Variants in ROBO1 observed in about 807,000 individuals in gnomAD.
ROBO1 encodes the protein roundabout homolog 1.
Under a neutral mutation model 195.9 loss-of-function variants are expected in ROBO1, and 149 were observed. That is an observed-to-expected ratio of 0.76 (90% CI 0.67 to 0.87). The LOEUF (loss-of-function observed/expected upper bound fraction) is 0.87, where lower values mean the gene tolerates loss of function less well. Among genes scored for constraint, ROBO1 ranks in the 40% least tolerant of loss-of-function variants. The pLI, the probability that ROBO1 is intolerant of heterozygous loss-of-function variation, is 0.00. For synonymous variants in ROBO1, 816 were observed against 733.2 expected (o/e 1.11, Z -1.82); for missense variants, 1,933 against 2,068.3 (o/e 0.93, Z 1.27).
intron 2 of ROBO1, among the ~76,000 whole-genome samples, chr3:79,496,653 C>T (rs1407912716): frequency 6.6e-6 from 1 of 151,126 alleles, no homozygotes; most frequent in Non-Finnish European, 1.5e-5. Flanking sequence ...TCCCAAAGTG[C>T]TGGGATTACA....
intron 2 of ROBO1, among the ~76,000 whole-genome samples, chr3:79,267,807 C>T (rs2030125019): frequency 6.6e-6 from 1 of 151,456 alleles, no homozygotes; most frequent in South Asian, 2.1e-4. Flanking sequence ...CATCATCTTT[C>T]TACAACTGCT....
At chr3:79,217,426 G>C (rs557254596) in intron 2 of ROBO1, among the ~76,000 whole-genome samples, 1 of 151,824 alleles carries the variant, frequency 6.6e-6, no homozygotes, top group East Asian at 1.9e-4. Flanking sequence ...ACATTTTAAC[G>C]TATTTTTTTC....
intron 10 of ROBO1, among the ~76,000 whole-genome samples, chr3:78,680,075 A>C (rs1367789010): frequency 6.6e-6 from 1 of 152,200 alleles, no homozygotes; most frequent in Non-Finnish European, 1.5e-5. Context: ...AAAACAAGCA[A>C]TGGGGAAAGG....
At chr3:79,645,434 C>T (rs565431902) in intron 1 of ROBO1, among the ~76,000 whole-genome samples, 7 of 151,984 alleles carry the variant, frequency 4.6e-5, no homozygotes, top group Middle Eastern at 3.4e-3. Flanking sequence ...CCCAGGAGTT[C>T]GAGGCTGCAG....
chr3:79,767,793 T>C lies in ROBO1; in HGVS notation c.-92A>G, dbSNP rs1020507215. The C allele has an allele frequency of 6.6e-6, 1 of 152,210 alleles. No individual in the cohort carries two copies. The highest frequency in any genetic ancestry group is 3.2e-3 in the Middle Eastern group (1 of 316). 9.4% of individuals were successfully genotyped at this position (152,210 alleles called of 1,614,324 possible). A position where few individuals can be genotyped will look rare whatever the true frequency, so the allele number is the denominator to read the frequency against. ...TTTCAGCAATCTAGAGGCTCCGTAG[T>C]GCAGACGCAGCCCTGCAACTTTGCT... is the stretch of plus-strand genomic sequence containing the variant. On this transcript the variant is annotated 5_prime_UTR_variant, in exon 1 of 31. Coordinates refer to ENST00000464233, the MANE Select transcript of ROBO1 (RefSeq NM_002941.4).
intron 1 of ROBO1, among the ~76,000 whole-genome samples, chr3:79,667,378 AT>A (rs1258393751): frequency 2.6e-5 from 4 of 151,754 alleles, no homozygotes; most frequent in Non-Finnish European, 5.9e-5. Context: ...TGGTAAAGTA[AT>A]TGTTCTTTGT....
chr3:78,736,396 C>T (rs140760167), intron 5 of ROBO1, among the ~76,000 whole-genome samples: 1 of 151,920 alleles, frequency 6.6e-6, no homozygotes, highest in African/African-American at 2.4e-5. Context: ...AAGAGAAGTA[C>T]TTGGTAAAAG....
At chr3:79,138,068 C>T (rs934542637) in intron 2 of ROBO1, among the ~76,000 whole-genome samples, 2 of 152,100 alleles carry the variant, frequency 1.3e-5, no homozygotes, top group African/African-American at 2.4e-5. Flanking sequence ...AAGCATAAGG[C>T]TTTGCCCACA....
At chr3:79,402,211 A>AT (rs898415102) in intron 2 of ROBO1, among the ~76,000 whole-genome samples, 10 of 151,838 alleles carry the variant, frequency 6.6e-5, no homozygotes, top group Admixed American at 6.6e-4. Context: ...TTTGAATTAG[A>AT]TTTTTTCAAT....
At chr3:79,746,681 G>T (rs377081792) in intron 1 of ROBO1, among the ~76,000 whole-genome samples, 1 of 151,084 alleles carries the variant, frequency 6.6e-6, no homozygotes, top group Non-Finnish European at 1.5e-5. Flanking sequence ...GATATTCTGA[G>T]ATTTTAGTCC....
chr3:79,235,912 T>G (rs1304049910), intron 2 of ROBO1, among the ~76,000 whole-genome samples: 2 of 152,068 alleles, frequency 1.3e-5, no homozygotes, highest in Middle Eastern at 3.2e-3. Flanking sequence ...TTTTGAAAAT[T>G]TTAGAGTTAA....
At chr3:78,840,430 A>T (rs1280226227) in intron 4 of ROBO1, among the ~76,000 whole-genome samples, 3 of 152,192 alleles carry the variant, frequency 2.0e-5, no homozygotes, top group Non-Finnish European at 4.4e-5. Context: ...TGAGCCCTCA[A>T]TAAAGTGCCA....
intron 2 of ROBO1, among the ~76,000 whole-genome samples, chr3:79,319,798 C>T (rs539982742): frequency 6.6e-6 from 1 of 152,206 alleles, no homozygotes; most frequent in African/African-American, 2.4e-5. Context: ...CCTACCATAA[C>T]ATATAACCCA....
chr3:79,474,430 T>C (rs1471600299), intron 2 of ROBO1, among the ~76,000 whole-genome samples: 1 of 152,130 alleles, frequency 6.6e-6, no homozygotes, highest in Non-Finnish European at 1.5e-5. Flanking sequence ...TATGCCTCAG[T>C]TCCTTCCTTT....
At chr3:78,920,581 A>C (rs1199459360) in intron 4 of ROBO1, among the ~76,000 whole-genome samples, 1 of 148,232 alleles carries the variant, frequency 6.7e-6, no homozygotes, top group Non-Finnish European at 1.5e-5. Flanking sequence ...CTGGGATTAC[A>C]GGCATGAGCC....
At chr3:79,608,439 A>G (rs984244004) in intron 1 of ROBO1, among the ~76,000 whole-genome samples, 5 of 151,950 alleles carry the variant, frequency 3.3e-5, no homozygotes, top group Non-Finnish European at 7.4e-5. Context: ...AAGTGTCACT[A>G]TGAGTATGAG....
intron 2 of ROBO1, among the ~76,000 whole-genome samples, chr3:79,408,641 T>C (rs2037647793): frequency 6.6e-6 from 1 of 152,118 alleles, no homozygotes; most frequent in Non-Finnish European, 1.5e-5. Flanking sequence ...TACATATAAA[T>C]CTGTACAGCC....
chr3:79,379,173 A>G (rs1462762905), intron 2 of ROBO1, among the ~76,000 whole-genome samples: 2 of 152,192 alleles, frequency 1.3e-5, no homozygotes, highest in African/African-American at 4.8e-5. Flanking sequence ...TCTAAAAGAG[A>G]GTGAAAATGT....
chr3:78,874,137 A>C (rs942394703), intron 4 of ROBO1, among the ~76,000 whole-genome samples: 1 of 152,014 alleles, frequency 6.6e-6, no homozygotes, highest in Admixed American at 6.6e-5. Context: ...TTAGGTATTA[A>C]AATATACTCA....
Sources: gnomAD v4.1 joint callset for allele counts (sites outside exome capture counted in the v4.1 genomes callset) on GRCh38, gnomAD v4.1.1 for gene constraint, MANE v1.5 for transcripts, NCBI Gene and HGNC (gene_info 2026-07-23, HGNC 2026-07-21) for gene names.